MYRFL: variants seen among roughly 807,000 people sequenced by gnomAD.
MYRFL encodes the protein myelin regulatory factor like, also known as myelin regulatory factor-like protein.
A neutral mutation model predicts 109.4 loss-of-function variants in MYRFL; 88 were observed. The ratio of observed to expected loss-of-function variants is 0.80; its 90% CI spans 0.68 to 0.96. The LOEUF (loss-of-function observed/expected upper bound fraction) is 0.96, where lower values mean the gene tolerates loss of function less well. MYRFL is among the 40% of genes least tolerant of loss of function. The pLI is 0.00. For missense variants in MYRFL, 957 were observed against 954.9 expected, an observed-to-expected ratio of 1.00 and a Z score of -0.03; for synonymous variants, 324 against 320.9, an observed-to-expected ratio of 1.01 and a Z score of -0.10.
intron 19 of MYRFL, among the ~76,000 whole-genome samples, chr12:69,949,930 G>A (rs539268121): frequency 8.5e-5 from 13 of 152,102 alleles, no homozygotes; most frequent in Non-Finnish European, 1.9e-4. Flanking sequence ...TCTGTCAAGC[G>A]GGGATAACCT....
At chr12:69,920,974 G>A (rs1954892965) in intron 13 of MYRFL, among the ~76,000 whole-genome samples, 1 of 152,134 alleles carries the variant, frequency 6.6e-6, no homozygotes, top group Non-Finnish European at 1.5e-5. Flanking sequence ...GCCACCTTTT[G>A]CTTCACAATC....
chr12:69,936,490 A>G lies in MYRFL; in HGVS notation c.2082A>G (p.Leu694=). Residue 694 remains leucine, a synonymous_variant, in exon 19 of 25, where the codon TTA becomes TTG. Coordinates refer to ENST00000552032, the MANE Select transcript of MYRFL (RefSeq NM_182530.3). ...CCCTGGTAACCACACCGGCCTCCTT[A>G]CAAGTACCTGAAATTACTTTCTGTG... is the stretch of plus-strand genomic sequence containing the variant. ...NTSLVTTPAS[L]QVPEITFCEI... is the part of the protein sequence containing the mutation. 1.3e-6 allele frequency: 2 copies of G among 1,535,948 alleles called. No homozygotes were observed. The highest frequency in any genetic ancestry group is 1.7e-6 in the Non-Finnish European group (2 of 1,146,886).
intron 2 of MYRFL, among the ~76,000 whole-genome samples, chr12:69,873,251 CA>C (rs1201218883): frequency 4.0e-5 from 6 of 149,912 alleles, no homozygotes; most frequent in African/African-American, 4.9e-5. Flanking sequence ...TGAGCTAAAC[CA>C]AAAAAAAATC....
intron 6 of MYRFL, among the ~76,000 whole-genome samples, chr12:69,890,256 T>C (rs1270502771): frequency 6.8e-6 from 1 of 147,168 alleles, no homozygotes; most frequent in African/African-American, 2.4e-5. Context: ...ATTTTGAGAC[T>C]TTTTTTTCCT....
At chr12:69,949,048 G>T (rs1267210489) in intron 19 of MYRFL, among the ~76,000 whole-genome samples, 1 of 152,052 alleles carries the variant, frequency 6.6e-6, no homozygotes, top group African/African-American at 2.4e-5. Context: ...TACCCTATCT[G>T]GGATACAACA....
intron 11 of MYRFL, among the ~76,000 whole-genome samples, chr12:69,906,453 A>G (rs751558451): frequency 6.6e-6 from 1 of 152,222 alleles, no homozygotes; most frequent in Non-Finnish European, 1.5e-5. Flanking sequence ...AGGCACATGA[A>G]GAACCTCAAT....
At chr12:69,901,908 T>TTTTTTC (rs1954205332) in intron 10 of MYRFL, among the ~76,000 whole-genome samples, 1 of 151,604 alleles carries the variant, frequency 6.6e-6, no homozygotes, top group African/African-American at 2.4e-5. Flanking sequence ...TTTTAAATTT[T>TTTTTTC]CTTGAGACAG....
chr12:69,852,565 A>AT (rs1185288178), intron 1 of MYRFL, among the ~76,000 whole-genome samples: 2 of 99,602 alleles, frequency 2.0e-5, no homozygotes, highest in African/African-American at 6.7e-5. Flanking sequence ...CAGGCTGTTT[A>AT]TTTTTAATTT....
At chr12:69,891,610 T>C (rs1592766246) in intron 7 of MYRFL, among the ~76,000 whole-genome samples, 103 of 115,488 alleles carry the variant, frequency 8.9e-4, no homozygotes, top group Non-Finnish European at 1.2e-3. Context: ...TCTTTCTCTT[T>C]CTTTCTTTCT....
chr12:69,873,895 G>T (rs1213412693), intron 2 of MYRFL, among the ~76,000 whole-genome samples: 1 of 151,166 alleles, frequency 6.6e-6, no homozygotes. Flanking sequence ...TCCTTTCTTG[G>T]TTTATTTTGT....
chr12:69,830,135 A>G (rs1205374781), intron 1 of MYRFL, among the ~76,000 whole-genome samples: 2 of 152,090 alleles, frequency 1.3e-5, no homozygotes, highest in Non-Finnish European at 2.9e-5. Context: ...TTCATAGAAC[A>G]TTGAAACTGT....
At chr12:69,826,368 G>A (rs1043348355) in intron 1 of MYRFL, among the ~76,000 whole-genome samples, 1 of 152,182 alleles carries the variant, frequency 6.6e-6, no homozygotes, top group South Asian at 2.1e-4. Context: ...CACATGGTAG[G>A]CACACTAGTG....
intron 2 of MYRFL, among the ~76,000 whole-genome samples, chr12:69,875,066 C>T (rs985926474): frequency 3.3e-5 from 5 of 151,030 alleles, no homozygotes; most frequent in African/African-American, 9.7e-5. Flanking sequence ...TATATATCTT[C>T]ATAAAGATAT....
chr12:69,843,151 A>C (rs892970693), intron 1 of MYRFL, among the ~76,000 whole-genome samples: 4 of 152,018 alleles, frequency 2.6e-5, no homozygotes, highest in Non-Finnish European at 5.9e-5. Flanking sequence ...AAATGAGAGA[A>C]GTAGAGTATT....
intron 7 of MYRFL, among the ~76,000 whole-genome samples, chr12:69,891,641 C>CTT (rs1328954246): frequency 2.6e-5 from 2 of 77,578 alleles, no homozygotes; most frequent in South Asian, 5.1e-4. Flanking sequence ...CTTTCTTTTT[C>CTT]TTTCTTTCTT....
At chr12:69,947,319 A>C (rs908412099) in intron 19 of MYRFL, among the ~76,000 whole-genome samples, 1 of 152,220 alleles carries the variant, frequency 6.6e-6, no homozygotes, top group African/African-American at 2.4e-5. Context: ...TAATAAAATA[A>C]GTGAAGGGAA....
intron 4 of MYRFL, 55 bp downstream of exon 4, chr12:69,879,508 C>A: frequency 1.5e-6 from 1 of 661,610 alleles, no homozygotes; most frequent in Admixed American, 2.1e-5. Context: ...CTCGGAGCAG[C>A]CTGCCTCTGG....
rs1410322113 is a variant in MYRFL, at chr12:69,952,180, G to A, written c.2287+5G>A. On this transcript the variant is annotated splice_donor_5th_base_variant and intron_variant, in intron 20 of 24. Transcript: ENST00000552032. ...GCCCTGACTGGGAGAGTGACTGTAAGTTGACATTTAAGTGACACTATTCTT... is the reference window on the plus strand; with the variant it reads ...GCCCTGACTGGGAGAGTGACTGTAAATTGACATTTAAGTGACACTATTCTT... 3.9e-6 allele frequency: 6 copies of A among 1,536,060 alleles called. No homozygotes were observed. The highest frequency in any genetic ancestry group is 5.2e-6 in the Non-Finnish European group (6 of 1,146,806).
rs1955223998 is a variant in MYRFL, at chr12:69,930,115, C to A, written c.1830+2367C>A. Among the ~76,000 whole-genome samples the A allele has an allele frequency of 2.6e-5, 4 of 152,314 alleles. No homozygotes were observed. The South Asian group carries it at 8.3e-4, about 32-fold the overall frequency. On this transcript the variant is annotated intron_variant, in intron 15 of 24. Coordinates refer to ENST00000552032, the MANE Select transcript of MYRFL (RefSeq NM_182530.3). ...TGACTTTTCCTTCCATGCCACGACT[C>A]ATCTCCTAGTTGTCCTCTGTTCCTT...
Sources: gnomAD v4.1 joint callset for allele counts (sites outside exome capture counted in the v4.1 genomes callset) on GRCh38, gnomAD v4.1.1 for gene constraint, MANE v1.5 for transcripts, NCBI Gene and HGNC (gene_info 2026-07-23, HGNC 2026-07-21) for gene names.